The following KCNU1 variants were observed in gnomAD, a reference collection of about 807,000 sequenced individuals.
KCNU1 encodes the protein potassium channel subfamily U member 1.
Under a neutral mutation model 126.8 loss-of-function variants are expected in KCNU1, and 93 were observed. That is an observed-to-expected ratio of 0.73 (90% CI 0.62 to 0.87). The LOEUF (loss-of-function observed/expected upper bound fraction) is 0.87. Ranked by LOEUF, KCNU1 falls within the 40% of genes least tolerant of loss-of-function variation. The pLI is 0.00. For synonymous variants in KCNU1, 523 were observed against 494.2 expected (o/e 1.06, Z -0.77); for missense variants, 1,330 against 1,367.1 (o/e 0.97, Z 0.43).
At chr8:36,930,130 TGAA>T (rs1423411317) in intron 24 of KCNU1, among the ~76,000 whole-genome samples, 1 of 151,942 alleles carries the variant, frequency 6.6e-6, no homozygotes, top group Admixed American at 6.6e-5. Flanking sequence ...TTAGATAAAA[TGAA>T]GGATGAAAAA....
chr8:36,868,767 T>C (rs1421354301), intron 19 of KCNU1, among the ~76,000 whole-genome samples: 1 of 152,178 alleles, frequency 6.6e-6, no homozygotes, highest in African/African-American at 2.4e-5. Context: ...TGAATAAGTA[T>C]ACAAACATTA....
chr8:36,835,354 T>G (rs2130553588), intron 12 of KCNU1, among the ~76,000 whole-genome samples: 1 of 152,060 alleles, frequency 6.6e-6, no homozygotes, highest in South Asian at 2.1e-4. Flanking sequence ...TTTTCTTTTT[T>G]TTTTTTTGAG....
chr8:36,786,060 A>C (rs575732958), intron 1 of KCNU1, among the ~76,000 whole-genome samples: 50 of 152,202 alleles, frequency 3.3e-4, no homozygotes, highest in Non-Finnish European at 7.1e-4. Flanking sequence ...TTATTACATC[A>C]AATTAAGAGT....
At chr8:36,835,022 C>G (rs955830672) in intron 12 of KCNU1, among the ~76,000 whole-genome samples, 154 bp downstream of exon 12, 1 of 152,110 alleles carries the variant, frequency 6.6e-6, no homozygotes, top group Admixed American at 6.6e-5. Context: ...TGCCTGCTCC[C>G]CAAGACTGTG....
At chr8:36,899,291 A>C (rs1807322779) in intron 19 of KCNU1, among the ~76,000 whole-genome samples, 1 of 152,028 alleles carries the variant, frequency 6.6e-6, no homozygotes, top group Non-Finnish European at 1.5e-5. Context: ...GAAGATAGAA[A>C]AAAAAAATGC....
chr8:36,864,369 T>C (rs775590295), intron 18 of KCNU1, 35 bp from the exon 19 acceptor site: 9 of 1,224,600 alleles, frequency 7.3e-6, no homozygotes, highest in Non-Finnish European at 1.1e-5. Flanking sequence ...TGTGAAGAGA[T>C]GTGCCAACTC....
chr8:36,908,455 T>C (rs1358845441), intron 20 of KCNU1, among the ~76,000 whole-genome samples: 6 of 151,834 alleles, frequency 4.0e-5, no homozygotes, highest in East Asian at 1.9e-4. Flanking sequence ...ATGTGCCATG[T>C]TGGTGTGCTG....
chr8:36,804,992 C>T (rs995981701), intron 3 of KCNU1, among the ~76,000 whole-genome samples: 45 of 152,120 alleles, frequency 3.0e-4, no homozygotes, highest in Non-Finnish European at 4.4e-4. Context: ...CTCTTATTTC[C>T]AGTGCTATTG....
At chr8:36,876,998 A>C (rs1050074671) in intron 19 of KCNU1, among the ~76,000 whole-genome samples, 9 of 152,174 alleles carry the variant, frequency 5.9e-5, no homozygotes, top group South Asian at 2.1e-4. Flanking sequence ...AAAATAATTT[A>C]CTATACCAAA....
intron 25 of KCNU1, among the ~76,000 whole-genome samples, chr8:36,931,627 C>T (rs897344533): frequency 6.6e-6 from 1 of 151,968 alleles, no homozygotes; most frequent in African/African-American, 2.4e-5. Context: ...AAGGACTTGC[C>T]AGAGACCACA....
At chr8:36,810,110 G>T (rs1419756448) in intron 7 of KCNU1, among the ~76,000 whole-genome samples, 3 of 152,116 alleles carry the variant, frequency 2.0e-5, no homozygotes, top group African/African-American at 7.2e-5. Context: ...AAATTAGCCA[G>T]ACGTGGTGGC....
At chr8:36,928,966 G>A (rs1248758768) in intron 24 of KCNU1, 1 of 697,092 alleles carries the variant, frequency 1.4e-6, no homozygotes, top group East Asian at 2.7e-5. Context: ...CCAGATACAT[G>A]AGAAGCAATG....
Position 36,859,241 on chromosome 8 carries a change from A to G in KCNU1, c.1892-5163A>G, listed in dbSNP as rs758768696. On this transcript the variant is annotated intron_variant, in intron 18 of 26. Coordinates refer to ENST00000399881, the MANE Select transcript of KCNU1 (RefSeq NM_001031836.3). ...TGATAACATATGGGCATTCTCTTAG[A>G]GAATTAACTTTCAAAAAGGGCTTAG... Among the ~76,000 whole-genome samples, 77 of 152,220 alleles carry G rather than the reference A, an allele frequency of 5.1e-4. 1 individual carries two copies. The highest frequency in any genetic ancestry group is 9.7e-4 in the Non-Finnish European group (66 of 68,046).
intron 19 of KCNU1, among the ~76,000 whole-genome samples, chr8:36,890,096 C>T (rs1438353749): frequency 6.6e-6 from 1 of 151,942 alleles, no homozygotes; most frequent in African/African-American, 2.4e-5. Context: ...GGCAGACTTC[C>T]TCAAACAAAA....
intron 14 of KCNU1, 25 bp from the exon 15 acceptor site, chr8:36,840,438 C>T (rs376936454): frequency 1.4e-5 from 16 of 1,125,806 alleles, no homozygotes; most frequent in South Asian, 5.2e-5. Context: ...CGTTTTGCTT[C>T]GTGTGGCATG....
chr8:36,850,484 T>A (rs1322253035), intron 18 of KCNU1, among the ~76,000 whole-genome samples: 1 of 149,006 alleles, frequency 6.7e-6, no homozygotes, highest in Admixed American at 6.8e-5. Flanking sequence ...TGGGACAGGG[T>A]CTCACTCCAT....
At chr8:36,840,663 C>A in intron 15 of KCNU1, 88 bp downstream of exon 15, 1 of 805,978 alleles carries the variant, frequency 1.2e-6, no homozygotes. Flanking sequence ...GGCCAGGCTT[C>A]ATTACAAACT....
intron 1 of KCNU1, 67 bp from the exon 2 acceptor site, chr8:36,787,239 G>A (rs1449525122): frequency 1.4e-5 from 20 of 1,421,654 alleles, no homozygotes; most frequent in South Asian, 7.3e-5. Context: ...CTCCATCAAC[G>A]TAAGTAGAAC....
chr8:36,836,771 C>T lies in KCNU1; in HGVS notation c.1366-22C>T. On this transcript the variant is annotated intron_variant, in intron 13 of 26. Coordinates refer to ENST00000399881, the MANE Select transcript of KCNU1 (RefSeq NM_001031836.3). ...AGGTGTGTTTATTCCTAATGTTTGA[C>T]CTGCTTTGTGCTATGGAACAGGTTT... 4 of 1,611,814 alleles carry T rather than the reference C, an allele frequency of 2.5e-6. No individual in the cohort carries two copies. In the South Asian group the frequency reaches 3.3e-5, roughly 13 times the overall value.
Sources: gnomAD v4.1 joint callset for allele counts (sites outside exome capture counted in the v4.1 genomes callset) on GRCh38, gnomAD v4.1.1 for gene constraint, MANE v1.5 for transcripts, NCBI Gene and HGNC (gene_info 2026-07-23, HGNC 2026-07-21) for gene names.